The following ZDHHC2 variants were observed in gnomAD, a reference collection of about 807,000 sequenced individuals.
The protein encoded by ZDHHC2 is palmitoyltransferase ZDHHC2.
A neutral mutation model predicts 55.6 loss-of-function variants in ZDHHC2; 51 were observed. The observed-to-expected ratio is 0.92, with a 90% confidence interval of 0.73 to 1.16. The LOEUF is 1.16. ZDHHC2 is among the 50% of genes most tolerant of loss of function. The probability of loss-of-function intolerance (pLI) is 0.00; values close to 1 mark genes in which losing one functional copy is unlikely to be tolerated. For missense variants in ZDHHC2, 491 were observed against 442.4 expected, an observed-to-expected ratio of 1.11 and a Z score of -0.99; for synonymous variants, 199 against 152.9, an observed-to-expected ratio of 1.30 and a Z score of -2.22.
At chr8:17,160,683 T>C (rs1804295956) in intron 1 of ZDHHC2, among the ~76,000 whole-genome samples, 1 of 152,242 alleles carries the variant, frequency 6.6e-6, no homozygotes, top group Admixed American at 6.5e-5. Flanking sequence ...TTGACAGAGC[T>C]CTGAAAATAA....
intron 1 of ZDHHC2, among the ~76,000 whole-genome samples, chr8:17,165,991 A>C (rs538601389): frequency 5.2e-4 from 79 of 152,248 alleles, no homozygotes; most frequent in Non-Finnish European, 2.2e-4. Context: ...TGAGCAAGGG[A>C]AAGGGAAGTA....
chr8:17,160,429 C>T (rs1356261948), intron 1 of ZDHHC2, among the ~76,000 whole-genome samples: 1 of 152,202 alleles, frequency 6.6e-6, no homozygotes, highest in African/African-American at 2.4e-5. Context: ...TTTTCAAAAG[C>T]TTAAAGGTCA....
chr8:17,211,367 G>C (rs1807379272), intron 10 of ZDHHC2, among the ~76,000 whole-genome samples: 2 of 152,048 alleles, frequency 1.3e-5, no homozygotes, highest in Non-Finnish European at 2.9e-5. Flanking sequence ...ACTCCATATT[G>C]AACATTTCTT....
intron 3 of ZDHHC2, among the ~76,000 whole-genome samples, chr8:17,194,127 G>A (rs756895740): frequency 6.6e-5 from 10 of 152,002 alleles, no homozygotes; most frequent in South Asian, 6.2e-4. Context: ...ATAGTATTCC[G>A]TGGTATGTAT....
At chr8:17,204,557 C>G (rs972917706) in intron 6 of ZDHHC2, among the ~76,000 whole-genome samples, 6 of 152,094 alleles carry the variant, frequency 3.9e-5, no homozygotes, top group African/African-American at 1.4e-4. Context: ...AAATCAAAAA[C>G]TTTGATAGAA....
intron 10 of ZDHHC2, among the ~76,000 whole-genome samples, chr8:17,214,731 A>C (rs1807562110): frequency 6.6e-6 from 1 of 152,048 alleles, no homozygotes. Context: ...CAACATAGAG[A>C]GTCCACTCTA....
Position 17,224,115 on chromosome 8 carries a change from A to G in ZDHHC2, c.*3894A>G, listed in dbSNP as rs1005086081. The stretch of plus-strand genomic sequence containing the variant: ...TGCAGTCCAGGTATCTAATAGCTCA[A>G]TCACCAACACCGCTGAGAATTGTTC... On this transcript the variant is annotated 3_prime_UTR_variant, in exon 13 of 13. Transcript: ENST00000262096. The G allele has an allele frequency of 2.6e-5, 4 of 151,720 alleles. No individual in the cohort carries two copies. The highest frequency in any genetic ancestry group is 4.4e-5 in the Non-Finnish European group (3 of 67,712). 9.4% of individuals were successfully genotyped at this position (151,720 alleles called of 1,614,324 possible).
chr8:17,157,784 T>G (rs1804137085), intron 1 of ZDHHC2, among the ~76,000 whole-genome samples: 2 of 152,186 alleles, frequency 1.3e-5, no homozygotes, highest in Admixed American at 1.3e-4. Context: ...TGTTTGGTGC[T>G]CCACCTAACA....
chr8:17,224,653 A>T lies in ZDHHC2; in HGVS notation c.*4432A>T, dbSNP rs1485951443. On this transcript the variant is annotated 3_prime_UTR_variant, in exon 13 of 13. Coordinates refer to ENST00000262096, the MANE Select transcript of ZDHHC2 (RefSeq NM_016353.5). ...TTCCGTTGATTCTGAATTTAAAAAGATACTACAGAATGCGTCAGTTCTCCT... is the reference window on the plus strand; with the variant it reads ...TTCCGTTGATTCTGAATTTAAAAAGTTACTACAGAATGCGTCAGTTCTCCT... 1 of 151,758 alleles carries T rather than the reference A, an allele frequency of 6.6e-6. No homozygotes were observed. The highest frequency in any genetic ancestry group is 6.6e-5 in the Admixed American group (1 of 15,228). The allele number at this position is 151,758 out of a possible 1,614,324, so 9.4% of individuals were successfully genotyped here. A position where few individuals can be genotyped will look rare whatever the true frequency, so the allele number is the denominator to read the frequency against.
chr8:17,203,623 A>G (rs1439516164), intron 6 of ZDHHC2, among the ~76,000 whole-genome samples: 2 of 152,138 alleles, frequency 1.3e-5, no homozygotes, highest in Non-Finnish European at 1.5e-5. Flanking sequence ...AATACCCTGT[A>G]TCCTTTTGAG....
intron 3 of ZDHHC2, among the ~76,000 whole-genome samples, chr8:17,189,869 C>G (rs1805929160): frequency 6.6e-6 from 1 of 152,120 alleles, no homozygotes; most frequent in Non-Finnish European, 1.5e-5. Context: ...CTATTTTTTA[C>G]TATTTTACAG....
chr8:17,174,167 C>G (rs1805009146), intron 1 of ZDHHC2, among the ~76,000 whole-genome samples: 1 of 151,294 alleles, frequency 6.6e-6, no homozygotes, highest in Non-Finnish European at 1.5e-5. Flanking sequence ...ACAGCTCGTG[C>G]TGCCTCGACC....
Position 17,211,262 on chromosome 8 carries a change from C to G in ZDHHC2, c.950+782C>G, listed in dbSNP as rs142361184. Among the ~76,000 whole-genome samples, 578 of 152,218 alleles carry G rather than the reference C, an allele frequency of 3.8e-3. 1 individual carries two copies. The highest frequency in any genetic ancestry group is 0.013 in the African/African-American group (553 of 41,514). On this transcript the variant is annotated intron_variant, in intron 10 of 12. Coordinates refer to ENST00000262096, the MANE Select transcript of ZDHHC2 (RefSeq NM_016353.5). ...CATTCCTCTGATTTTTCAATGAAAG[C>G]CAGTAGCAAAAGCATAACCATAATA...
chr8:17,206,884 G>C (rs1033049687), intron 7 of ZDHHC2, among the ~76,000 whole-genome samples: 2 of 152,136 alleles, frequency 1.3e-5, no homozygotes, highest in Admixed American at 1.3e-4. Context: ...TAATACCAAA[G>C]AGTTATTGAA....
chr8:17,180,118 A>G (rs1001589119), intron 1 of ZDHHC2, among the ~76,000 whole-genome samples: 2 of 152,212 alleles, frequency 1.3e-5, no homozygotes, highest in Non-Finnish European at 2.9e-5. Flanking sequence ...CCAGGAATAA[A>G]CTGCACCTAA....
chr8:17,179,311 G>A (rs58779643), intron 1 of ZDHHC2, among the ~76,000 whole-genome samples: 8,927 of 152,210 alleles, frequency 0.059, 866 homozygotes, highest in African/African-American at 0.2. Flanking sequence ...GTAAAGCGCA[G>A]CCAGATAATA....
chr8:17,222,975 C>G lies in ZDHHC2; in HGVS notation c.*2754C>G, dbSNP rs1332121549. The G allele has an allele frequency of 6.6e-6, 1 of 151,696 alleles. No homozygotes were observed. The highest frequency in any genetic ancestry group is 1.9e-4 in the East Asian group (1 of 5,180). The allele number at this position is 151,696 out of a possible 1,614,324, so 9.4% of individuals were successfully genotyped here. On this transcript the variant is annotated 3_prime_UTR_variant, in exon 13 of 13. Coordinates refer to ENST00000262096, the MANE Select transcript of ZDHHC2 (RefSeq NM_016353.5). ...ACTCAACTACACTGTAATCAATAGA[C>G]AACTATTGGAAATATGGCATATGTT...
Position 17,195,574 on chromosome 8 carries a change from T to C in ZDHHC2, c.323T>C (p.Leu108Pro). The change falls in exon 4 of 13, where the codon CTT becomes CCT. Residue 108 changes from leucine (L) to proline (P), a missense_variant. Coordinates refer to ENST00000262096, the MANE Select transcript of ZDHHC2 (RefSeq NM_016353.5). ...AGAGGAGAAGCCCATCAGGAAGTTC[T>C]TAGGCGAGCAGCCAAGGATCTTCCC... ...EPRGEAHQEVLRRAAKDLPIY... is the reference protein window; with the variant it reads ...EPRGEAHQEVPRRAAKDLPIY... The C allele has an allele frequency of 6.2e-7, 1 of 1,613,958 alleles. No individual in the cohort carries two copies. The highest frequency in any genetic ancestry group is 8.5e-7 in the Non-Finnish European group (1 of 1,179,832).
At chr8:17,172,647 T>A (rs1804916311) in intron 1 of ZDHHC2, among the ~76,000 whole-genome samples, 3 of 152,186 alleles carry the variant, frequency 2.0e-5, no homozygotes, top group Non-Finnish European at 4.4e-5. Flanking sequence ...CTGGAGACTT[T>A]TATAAACGTA....
Sources: allele counts gnomAD v4.1 joint callset (sites outside exome capture counted in the v4.1 genomes callset), GRCh38; gene constraint gnomAD v4.1.1; transcripts MANE v1.5; gene names NCBI Gene and HGNC (gene_info 2026-07-23, HGNC 2026-07-21).